CAPN8: variants seen among roughly 807,000 people sequenced by gnomAD.
CAPN8 encodes calpain-8.
A neutral mutation model predicts 80.9 loss-of-function variants in CAPN8; 87 were observed. The ratio of observed to expected loss-of-function variants is 1.07; its 90% CI spans 0.90 to 1.28. CAPN8 has a LOEUF of 1.28. Ranked by LOEUF, CAPN8 falls within the 50% of genes most tolerant of loss-of-function variation. The pLI, the probability that CAPN8 is intolerant of heterozygous loss-of-function variation, is 0.00. For missense variants in CAPN8, 757 were observed against 702.0 expected, an observed-to-expected ratio of 1.08 and a Z score of -0.89; for synonymous variants, 299 against 273.8, an observed-to-expected ratio of 1.09 and a Z score of -0.91.
intron 16 of CAPN8, among the ~76,000 whole-genome samples, chr1:223,545,829 T>C (rs1330968642): frequency 1.4e-5 from 2 of 142,648 alleles, no homozygotes; most frequent in Admixed American, 1.4e-4. Context: ...AACTTTTTTT[T>C]TTTTTTTTTT....
At chr1:223,657,602 A>T (rs1013850924) in intron 1 of CAPN8, among the ~76,000 whole-genome samples, 6 of 152,088 alleles carry the variant, frequency 3.9e-5, no homozygotes, top group Non-Finnish European at 2.9e-5. Context: ...CCCTGTCTCT[A>T]CTAAAAATAC....
At chr1:223,658,347 C>T (rs1047488529) in intron 1 of CAPN8, among the ~76,000 whole-genome samples, 1 of 152,116 alleles carries the variant, frequency 6.6e-6, no homozygotes, top group Non-Finnish European at 1.5e-5. Flanking sequence ...GTGAAATATA[C>T]AGAATGGTGC....
chr1:223,665,234 C>T (rs191780151), intron 1 of CAPN8, among the ~76,000 whole-genome samples, 176 bp downstream of exon 1: 18 of 152,244 alleles, frequency 1.2e-4, no homozygotes, highest in Admixed American at 8.5e-4. Flanking sequence ...GCCTGGGTGA[C>T]AGAGCAAGAC....
At chr1:223,633,780 G>A (rs973584925) in intron 2 of CAPN8, among the ~76,000 whole-genome samples, 1 of 152,154 alleles carries the variant, frequency 6.6e-6, no homozygotes, top group African/African-American at 2.4e-5. Context: ...AAGCTTAAAG[G>A]TCGGGATGTC....
chr1:223,616,090 G>A lies in CAPN8; in HGVS notation c.1191C>T (p.Asp397=). ...AGGGTTCACCGATGCTCTCCTCCTG[G>A]TCCTCATCCACTTCATCCAAACGGA... is the stretch of plus-strand genomic sequence containing the variant. ...FKIRLDEVDE[D]QEESIGEPCC... Residue 397 remains aspartate, a synonymous_variant, in exon 10 of 21, where the codon GAC becomes GAT. Coordinates refer to ENST00000366872, the MANE Select transcript of CAPN8 (RefSeq NM_001143962.2). The A allele has an allele frequency of 1.3e-6, 2 of 1,552,028 alleles. No homozygotes were observed. Among genetic ancestry groups the A allele is most frequent in the South Asian group, 2.4e-5 (2 of 84,068 alleles).
At chr1:223,637,809 G>C (rs1332536770) in intron 2 of CAPN8, among the ~76,000 whole-genome samples, 1 of 152,170 alleles carries the variant, frequency 6.6e-6, no homozygotes, top group Non-Finnish European at 1.5e-5. Flanking sequence ...CACAGGTTTT[G>C]AACTCAGAAA....
intron 10 of CAPN8, 33 bp downstream of exon 10, chr1:223,615,937 G>GTA (rs1314012586): frequency 1.3e-6 from 2 of 1,551,062 alleles, no homozygotes; most frequent in Non-Finnish European, 1.7e-6. Context: ...AACATCAAGT[G>GTA]TATAATGAAG....
At chr1:223,630,572 G>A (rs530313191) in intron 2 of CAPN8, among the ~76,000 whole-genome samples, 1 of 152,066 alleles carries the variant, frequency 6.6e-6, no homozygotes, top group African/African-American at 2.4e-5. Flanking sequence ...CTGGACTCAA[G>A]TGATCCTCCC....
chr1:223,549,233 T>G (rs1172082467), intron 16 of CAPN8, 85 bp downstream of exon 16: 1 of 1,513,986 alleles, frequency 6.6e-7, no homozygotes, highest in Non-Finnish European at 8.8e-7. Flanking sequence ...TACCCGTCCC[T>G]TCCTTCTAAC....
intron 2 of CAPN8, among the ~76,000 whole-genome samples, chr1:223,650,354 C>T (rs1230993697): frequency 1.3e-5 from 2 of 152,154 alleles, no homozygotes; most frequent in African/African-American, 4.8e-5. Flanking sequence ...AGAGGAGGTT[C>T]CCAGTCACAA....
At chr1:223,620,441 C>T (rs1657351156) in intron 7 of CAPN8, among the ~76,000 whole-genome samples, 175 bp from the exon 8 acceptor site, 1 of 152,166 alleles carries the variant, frequency 6.6e-6, no homozygotes, top group African/African-American at 2.4e-5. Context: ...GGGGAAGGGA[C>T]ACAGACCCAG....
intron 2 of CAPN8, among the ~76,000 whole-genome samples, chr1:223,630,287 T>TCC (rs1657735891): frequency 7.1e-6 from 1 of 139,898 alleles, no homozygotes; most frequent in East Asian, 2.1e-4. Context: ...TCTCTCTCTC[T>TCC]CCCGCTCACT....
chr1:223,616,641 A>G (rs1657198986), intron 9 of CAPN8, among the ~76,000 whole-genome samples: 1 of 152,210 alleles, frequency 6.6e-6, no homozygotes, highest in Non-Finnish European at 1.5e-5. Context: ...CCGTGACACT[A>G]TTAAGACAAC....
chr1:223,641,075 C>T (rs12127418), intron 2 of CAPN8, among the ~76,000 whole-genome samples: 33,153 of 151,886 alleles, frequency 0.22, 3,723 homozygotes, highest in South Asian at 0.27. Flanking sequence ...ATGGTTTGAG[C>T]GTCAAAGTAT....
At chr1:223,542,129 CAT>C (rs1314891731) in intron 20 of CAPN8, among the ~76,000 whole-genome samples, 5 of 151,908 alleles carry the variant, frequency 3.3e-5, no homozygotes, top group East Asian at 1.9e-4. Flanking sequence ...CACACACACA[CAT>C]ACATATATAC....
chr1:223,552,745 T>C (rs964860918), intron 14 of CAPN8, among the ~76,000 whole-genome samples: 5 of 151,974 alleles, frequency 3.3e-5, no homozygotes, highest in Admixed American at 6.6e-5. Context: ...CAGGCCACTT[T>C]ACAAGCCGAG....
At chr1:223,628,452 G>A (rs1362394543) in intron 3 of CAPN8, among the ~76,000 whole-genome samples, 1 of 152,238 alleles carries the variant, frequency 6.6e-6, no homozygotes, top group Non-Finnish European at 1.5e-5. Context: ...CGTGGCCTAG[G>A]GGAGCTGGGA....
intron 2 of CAPN8, among the ~76,000 whole-genome samples, chr1:223,634,671 C>T (rs1657865077): frequency 6.6e-6 from 1 of 152,198 alleles, no homozygotes; most frequent in African/African-American, 2.4e-5. Flanking sequence ...TCATAAATGG[C>T]TGTCTTCCAG....
chr1:223,640,334 C>A (rs1658012199), intron 2 of CAPN8, among the ~76,000 whole-genome samples: 3 of 152,210 alleles, frequency 2.0e-5, no homozygotes, highest in Admixed American at 1.3e-4. Context: ...AACCCAAACA[C>A]CAGGGAACCC....
Sources: gnomAD v4.1 joint callset for allele counts (sites outside exome capture counted in the v4.1 genomes callset) on GRCh38, gnomAD v4.1.1 for gene constraint, MANE v1.5 for transcripts, NCBI Gene and HGNC (gene_info 2026-07-23, HGNC 2026-07-21) for gene names.